The following PCBP3 variants were observed in gnomAD, a reference collection of about 807,000 sequenced individuals.
PCBP3 encodes the protein poly(rC)-binding protein 3.
In PCBP3, 25 loss-of-function variants were observed where a neutral mutation model predicts 52.7. The observed-to-expected ratio is 0.47, with a 90% CI of 0.35 to 0.66. PCBP3 has a LOEUF of 0.66. Among genes scored for constraint, PCBP3 ranks in the 30% least tolerant of loss-of-function variants. PCBP3 has a pLI of 0.01. For synonymous variants in PCBP3, 162 were observed against 183.0 expected (o/e 0.89, Z 0.93); for missense variants, 391 against 490.3 (o/e 0.80, Z 1.91).
rs1264271047 is a variant in PCBP3 at position 45,909,384 on chromosome 21, T to C, written c.369T>C (p.Pro123=). Residue 123 remains proline, a synonymous_variant, in exon 10 of 18, where the codon CCT becomes CCC. Coordinates refer to ENST00000681687, the MANE Select transcript of PCBP3 (RefSeq NM_001384156.1). The part of the protein sequence containing the change: ...EDIINSMSNS[P]ATSKPPVTLR... Reference sequence around the variant, plus strand: ...TCATCAACTCCATGAGCAACAGCCCTGCCACCAGCAAGCCCCCAGTGACGC... The same window carrying C: ...TCATCAACTCCATGAGCAACAGCCCCGCCACCAGCAAGCCCCCAGTGACGC... The C allele has an allele frequency of 5.6e-6, 9 of 1,613,198 alleles. No homozygotes were observed. The Admixed American group carries it at 1.5e-4, about 27-fold the overall frequency.
chr21:45,739,267 C>T (rs1241330032), intron 3 of PCBP3, among the ~76,000 whole-genome samples: 4 of 100,816 alleles, frequency 4.0e-5, no homozygotes, highest in South Asian at 4.0e-4. Flanking sequence ...TCCATGGCCC[C>T]CTGGATGGCC....
In PCBP3 at chr21:45,702,583, A is replaced by G. The variant is rs867458340; in HGVS notation, c.-199-32809A>G. The stretch of plus-strand genomic sequence containing the variant: ...ATGTATGTGCCTTAATTTTAAAAAT[A>G]CTTTATTGCTAAAAAATGCTAATAA... On this transcript the variant is annotated intron_variant, in intron 2 of 17. Transcript: ENST00000681687. Among the ~76,000 whole-genome samples, 6 of 152,250 alleles carry G rather than the reference A, an allele frequency of 3.9e-5. No individual in the cohort carries two copies. The South Asian group carries it at 8.3e-4, about 21-fold the overall frequency.
intron 2 of PCBP3, among the ~76,000 whole-genome samples, chr21:45,671,660 T>G (rs751739324): frequency 2.0e-5 from 3 of 151,948 alleles, no homozygotes; most frequent in Non-Finnish European, 4.4e-5. Flanking sequence ...TTTGGTTAGG[T>G]GATTTGGGGG....
At chr21:45,670,063 A>G (rs904183937) in intron 2 of PCBP3, among the ~76,000 whole-genome samples, 7 of 151,994 alleles carry the variant, frequency 4.6e-5, no homozygotes, top group African/African-American at 1.4e-4. Flanking sequence ...GCAGCTCCGC[A>G]TTTTACATTT....
At chr21:45,847,002 A>T (rs545832788) in intron 4 of PCBP3, among the ~76,000 whole-genome samples, 1 of 152,370 alleles carries the variant, frequency 6.6e-6, no homozygotes, top group South Asian at 2.1e-4. Flanking sequence ...CAGTATGTCC[A>T]GTCCCAACTG....
In PCBP3 at chr21:45,904,352, A is replaced by G. The variant is rs1325640340; in HGVS notation, c.339+3239A>G. Among the ~76,000 whole-genome samples the G allele has an allele frequency of 1.3e-5, 2 of 152,064 alleles. No homozygotes were observed. Among genetic ancestry groups the G allele is most frequent in the Non-Finnish European group, 2.9e-5 (2 of 68,032 alleles). On this transcript the variant is annotated intron_variant, in intron 9 of 17. Transcript: ENST00000681687. The surrounding 1 kb of genome is among the most constrained non-coding windows in gnomAD (Gnocchi z 4.8). ...TTTGGTCCTTCGGTTTTTCCAGAAG[A>G]CTGTGGATGCTCAGGAAGCTCGAGG...
At chr21:45,868,255 G>A (rs542294394) in intron 5 of PCBP3, among the ~76,000 whole-genome samples, 47 of 152,316 alleles carry the variant, frequency 3.1e-4, no homozygotes, top group African/African-American at 1.1e-3. Flanking sequence ...CCCGGTGTGG[G>A]TGCCCAGGGT....
At chr21:45,753,222 A>C (rs1304197850) in intron 3 of PCBP3, among the ~76,000 whole-genome samples, 1 of 147,084 alleles carries the variant, frequency 6.8e-6, no homozygotes, top group Non-Finnish European at 1.5e-5. Context: ...GTATGATTGG[A>C]TTAATAGATT....
chr21:45,899,435 C>T (rs553997276), intron 6 of PCBP3, among the ~76,000 whole-genome samples, 164 bp from the exon 7 acceptor site: 1 of 152,112 alleles, frequency 6.6e-6, no homozygotes, highest in African/African-American at 2.4e-5. Flanking sequence ...ACACACACCC[C>T]TCCCCACCAG....
intron 4 of PCBP3, among the ~76,000 whole-genome samples, chr21:45,766,054 A>G (rs2089285747): frequency 6.6e-6 from 1 of 152,198 alleles, no homozygotes; most frequent in Non-Finnish European, 1.5e-5. Flanking sequence ...ATTTTCTCCC[A>G]TGGTCTTGTC....
intron 1 of PCBP3, among the ~76,000 whole-genome samples, chr21:45,667,936 T>A (rs1489486292): frequency 6.6e-6 from 1 of 152,226 alleles, no homozygotes; most frequent in East Asian, 1.9e-4. Context: ...CTTCACTGAC[T>A]CTGTACTTGA....
intron 2 of PCBP3, among the ~76,000 whole-genome samples, chr21:45,690,254 G>A (rs943508218): frequency 6.6e-6 from 1 of 152,008 alleles, no homozygotes; most frequent in African/African-American, 2.4e-5. Flanking sequence ...CCAACAAACT[G>A]TCAGAAGAAC....
rs1458378939 is a variant in PCBP3 at position 45,704,872 on chromosome 21, T to C, written c.-199-30520T>C. ...GACGACACAGGGCGCTGCTGTCTGC[T>C]GAATACATGATGGCAGTTGATTCTG... On this transcript the variant is annotated intron_variant, in intron 2 of 17. Transcript: ENST00000681687. The surrounding 1 kb of genome is among the most constrained non-coding windows in gnomAD (Gnocchi z 4.1). 6.6e-6 allele frequency among the ~76,000 whole-genome samples: 1 copy of C among 152,240 alleles called. No homozygotes were observed. Among genetic ancestry groups the C allele is most frequent in the African/African-American group, 2.4e-5 (1 of 41,474 alleles).
At chr21:45,868,078 A>G (rs3788220) in intron 5 of PCBP3, among the ~76,000 whole-genome samples, 30,315 of 152,314 alleles carry the variant, frequency 0.2, 3,212 homozygotes, top group Middle Eastern at 0.36. Flanking sequence ...TAGTGGCCAT[A>G]CGGCAAGTGC....
At chr21:45,842,647 G>T (rs1336440087) in intron 4 of PCBP3, among the ~76,000 whole-genome samples, 1 of 152,204 alleles carries the variant, frequency 6.6e-6, no homozygotes, top group Non-Finnish European at 1.5e-5. Flanking sequence ...ATTATGTTAT[G>T]ATAGTCTGAA....
In PCBP3 at chr21:45,931,584, C is replaced by G. The variant is rs1372080256; in HGVS notation, c.856+739C>G. Among the ~76,000 whole-genome samples the G allele has an allele frequency of 2.0e-5, 3 of 150,454 alleles. No individual in the cohort carries two copies. In the East Asian group the frequency reaches 5.9e-4, roughly 30 times the overall value. ...CAGGTTGGGGCAGCCTCCTTTACCC[C>G]TGGTACCTGGAATGTCGTCATCTTC... On this transcript the variant is annotated intron_variant, in intron 15 of 17. Transcript: ENST00000681687.
At chr21:45,884,465 T>G (rs753720939) in intron 5 of PCBP3, among the ~76,000 whole-genome samples, 8 of 152,230 alleles carry the variant, frequency 5.3e-5, no homozygotes, top group Non-Finnish European at 1.2e-4. Flanking sequence ...AATATATATA[T>G]GTAGCACATG....
chr21:45,663,776 A>G (rs183619374), intron 1 of PCBP3, among the ~76,000 whole-genome samples: 1 of 152,128 alleles, frequency 6.6e-6, no homozygotes, highest in African/African-American at 2.4e-5. Flanking sequence ...TGGTTACTGT[A>G]GCCTTGTAGT....
intron 4 of PCBP3, among the ~76,000 whole-genome samples, chr21:45,816,566 T>C (rs937378643): frequency 1.4e-5 from 2 of 138,932 alleles, no homozygotes; most frequent in Non-Finnish European, 3.1e-5. Context: ...ACACACACTT[T>C]AGCCTAGGCC....
Sources: allele counts gnomAD v4.1 joint callset (sites outside exome capture counted in the v4.1 genomes callset), GRCh38; gene constraint gnomAD v4.1.1; non-coding constraint Gnocchi (gnomAD v3.1); transcripts MANE v1.5; gene names NCBI Gene and HGNC (gene_info 2026-07-23, HGNC 2026-07-21).